MAPRE2: variants seen among roughly 807,000 people sequenced by gnomAD.
The protein encoded by MAPRE2 is microtubule-associated protein RP/EB family member 2.
In MAPRE2, 13 loss-of-function variants were observed where a neutral mutation model predicts 43.2. The ratio of observed to expected loss-of-function variants is 0.30; its 90% confidence interval spans 0.20 to 0.48. The LOEUF (loss-of-function observed/expected upper bound fraction) is 0.48, where lower values mean the gene tolerates loss of function less well. Among genes scored for constraint, MAPRE2 ranks in the 20% least tolerant of loss-of-function variants. The pLI is 0.99. For synonymous variants in MAPRE2, 135 were observed against 148.8 expected (o/e 0.91, Z 0.68); for missense variants, 161 against 400.2 (o/e 0.40, Z 5.10).
In MAPRE2 at chr18:35,036,218, T is replaced by C. The variant is rs572032969; in HGVS notation, c.-8+30665T>C. On this transcript the variant is annotated intron_variant, in intron 2 of 7. Transcript: ENST00000413393. ...ACCCACTCTTAACTCCCACCGACGA[T>C]TGCATCCACATCCAATTAGTCACCA... Among the ~76,000 whole-genome samples the C allele has an allele frequency of 7.9e-4, 120 of 152,162 alleles. 1 individual carries two copies. The highest frequency in any genetic ancestry group is 2.7e-3 in the African/African-American group (114 of 41,544).
intron 4 of MAPRE2, among the ~76,000 whole-genome samples, chr18:35,103,388 G>C (rs1908766004): frequency 6.6e-6 from 1 of 152,240 alleles, no homozygotes; most frequent in East Asian, 1.9e-4. Context: ...ACAACTGGAA[G>C]GATTTGGGGT....
At chr18:35,100,539 A>G (rs1908627007) in intron 3 of MAPRE2, among the ~76,000 whole-genome samples, 1 of 152,262 alleles carries the variant, frequency 6.6e-6, no homozygotes, top group Non-Finnish European at 1.5e-5. Flanking sequence ...CACTATTCAC[A>G]ATAGCAAAGA....
intron 1 of MAPRE2, among the ~76,000 whole-genome samples, chr18:35,046,795 TCTTTC>T (rs1216353388): frequency 6.6e-6 from 1 of 152,212 alleles, no homozygotes; most frequent in East Asian, 1.9e-4. Flanking sequence ...GCTCAGGATG[TCTTTC>T]CTTGAGTAGA....
intron 1 of MAPRE2, among the ~76,000 whole-genome samples, chr18:34,977,937 A>C (rs1338667640): frequency 1.3e-5 from 2 of 152,090 alleles, no homozygotes; most frequent in African/African-American, 4.8e-5. Flanking sequence ...TGATTTTCAG[A>C]CCCCAAAAGG....
chr18:35,028,945 T>C (rs1309656939), intron 2 of MAPRE2, among the ~76,000 whole-genome samples: 1 of 152,086 alleles, frequency 6.6e-6, no homozygotes, highest in Non-Finnish European at 1.5e-5. Flanking sequence ...AGACCTCTGG[T>C]TTTCCTAGGG....
chr18:35,062,096 C>T (rs543249787), intron 1 of MAPRE2, among the ~76,000 whole-genome samples: 7 of 152,212 alleles, frequency 4.6e-5, no homozygotes, highest in South Asian at 2.1e-4. Flanking sequence ...GTGGTGAGGA[C>T]GCTGGGAAGG....
At chr18:35,120,932 G>A (rs146819895) in intron 4 of MAPRE2, among the ~76,000 whole-genome samples, 3 of 152,254 alleles carry the variant, frequency 2.0e-5, no homozygotes, top group African/African-American at 7.2e-5. Context: ...GGCTCTCAAA[G>A]TAGAGAAAAA....
chr18:35,021,242 G>C (rs1373455158), intron 2 of MAPRE2, among the ~76,000 whole-genome samples: 1 of 152,124 alleles, frequency 6.6e-6, no homozygotes, highest in East Asian at 1.9e-4. Flanking sequence ...TGAACATGAT[G>C]CAAGTATATT....
chr18:35,019,332 T>C lies in MAPRE2; in HGVS notation c.-8+13779T>C, dbSNP rs574145975. Among the ~76,000 whole-genome samples the C allele has an allele frequency of 2.0e-5, 3 of 152,138 alleles. No homozygotes were observed. In the South Asian group the frequency reaches 6.2e-4, roughly 32 times the overall value. On this transcript the variant is annotated intron_variant, in intron 2 of 7. Coordinates refer to the MAPRE2 transcript ENST00000413393. ...TGATGAGTGGAGTATTCTGTAGCTG[T>C]CTATTAGGTCCAATTGTTGAATTTG... is the stretch of plus-strand genomic sequence containing the variant.
At chr18:35,084,387 G>A (rs1298814885) in intron 2 of MAPRE2, among the ~76,000 whole-genome samples, 2 of 152,176 alleles carry the variant, frequency 1.3e-5, no homozygotes, top group Non-Finnish European at 2.9e-5. Context: ...TTTGGTGCAG[G>A]CCTATAAGAT....
intron 4 of MAPRE2, among the ~76,000 whole-genome samples, chr18:35,125,059 A>ATTCT (rs1192386269): frequency 2.0e-5 from 3 of 152,146 alleles, no homozygotes; most frequent in African/African-American, 4.8e-5. Context: ...CAATTTAACC[A>ATTCT]TTCTCATTTT....
Position 35,027,650 on chromosome 18 carries a change from C to A in MAPRE2, c.-8+22097C>A, listed in dbSNP as rs73424654. On this transcript the variant is annotated intron_variant, in intron 2 of 7. Transcript: ENST00000413393. Reference sequence around the variant, plus strand: ...AATGATTATTGCTATTTTAATCCACCAAGTTTAGAGTCACAATAGAGAACC... The same window carrying A: ...AATGATTATTGCTATTTTAATCCACAAAGTTTAGAGTCACAATAGAGAACC... Among the ~76,000 whole-genome samples the A allele has an allele frequency of 3.2e-3, 493 of 152,252 alleles. 2 individuals carry two copies. The highest frequency in any genetic ancestry group is 0.011 in the African/African-American group (463 of 41,552).
intron 2 of MAPRE2, among the ~76,000 whole-genome samples, chr18:35,029,333 A>C (rs1018387802): frequency 1.8e-4 from 27 of 152,184 alleles, no homozygotes; most frequent in Admixed American, 1.3e-4. Context: ...CACGCTGTCG[A>C]GGAGCCATCC....
chr18:34,978,011 C>A (rs1035828380), intron 1 of MAPRE2, among the ~76,000 whole-genome samples: 1 of 152,218 alleles, frequency 6.6e-6, no homozygotes, highest in Non-Finnish European at 1.5e-5. Flanking sequence ...AGAGCCGTAA[C>A]CTCGGAGAAG....
chr18:35,100,387 C>G (rs1017136663), intron 3 of MAPRE2, among the ~76,000 whole-genome samples: 1 of 152,170 alleles, frequency 6.6e-6, no homozygotes, highest in Non-Finnish European at 1.5e-5. Context: ...TAAATTAGTT[C>G]ATTGTGGAAA....
intron 1 of MAPRE2, chr18:34,978,588 A>G: frequency 6.5e-7 from 1 of 1,535,764 alleles, no homozygotes; most frequent in South Asian, 1.2e-5. Flanking sequence ...CTGAACGCTA[A>G]ATTTGGCCAA....
chr18:35,087,639 A>G (rs1343143971), intron 2 of MAPRE2, among the ~76,000 whole-genome samples: 6 of 152,164 alleles, frequency 3.9e-5, no homozygotes, highest in African/African-American at 1.2e-4. Flanking sequence ...GCAGATCTTC[A>G]TTCATTAGCC....
chr18:34,998,250 T>C (rs969478930), intron 1 of MAPRE2, among the ~76,000 whole-genome samples: 1 of 152,074 alleles, frequency 6.6e-6, no homozygotes, highest in African/African-American at 2.4e-5. Context: ...ACAGGAAACT[T>C]ATGGACGGAG....
chr18:35,064,150 C>T lies in MAPRE2; in HGVS notation c.123-6045C>T, dbSNP rs145766968. 3.6e-3 allele frequency among the ~76,000 whole-genome samples: 544 copies of T among 150,926 alleles called. 4 individuals carry two copies. Among genetic ancestry groups the T allele is most frequent in the African/African-American group, 0.013 (514 of 41,096 alleles). On this transcript the variant is annotated intron_variant, in intron 1 of 6. Transcript: ENST00000300249. ...GAGCCAAGATCTCACCACTGCATTC[C>T]AGCCTGGACTGCACTCCAGCCTGAA... is the stretch of plus-strand genomic sequence containing the variant.
Sources: allele counts gnomAD v4.1 joint callset (sites outside exome capture counted in the v4.1 genomes callset), GRCh38; gene constraint gnomAD v4.1.1; transcripts MANE v1.5; gene names NCBI Gene and HGNC (gene_info 2026-07-23, HGNC 2026-07-21).